The following NALCN variants were observed in gnomAD, a reference collection of about 807,000 sequenced individuals.
The protein encoded by NALCN is sodium leak channel NALCN.
A neutral mutation model predicts 225.3 loss-of-function variants in NALCN; 111 were observed. The observed-to-expected ratio is 0.49, with a 90% CI of 0.42 to 0.58. The LOEUF (loss-of-function observed/expected upper bound fraction) is 0.58, where lower values mean the gene tolerates loss of function less well. NALCN is among the 20% of genes least tolerant of loss of function. The pLI is 0.00. For synonymous variants in NALCN, 764 were observed against 769.0 expected, an observed-to-expected ratio of 0.99 and a Z score of 0.11; for missense variants, 1,378 against 2,202.4, an observed-to-expected ratio of 0.63 and a Z score of 7.49.
chr13:101,092,623 G>A (rs2139563344), intron 28 of NALCN, among the ~76,000 whole-genome samples: 1 of 152,264 alleles, frequency 6.6e-6, no homozygotes, highest in Non-Finnish European at 1.5e-5. Context: ...CATAGTTGGG[G>A]TTAGGTGCTT....
intron 7 of NALCN, among the ~76,000 whole-genome samples, chr13:101,315,613 A>G (rs1448915543): frequency 6.6e-6 from 1 of 152,194 alleles, no homozygotes; most frequent in Non-Finnish European, 1.5e-5. Context: ...GAATGTGTAC[A>G]CCACCCATTT....
At chr13:101,392,802 A>C (rs1287250098) in intron 3 of NALCN, among the ~76,000 whole-genome samples, 1 of 152,206 alleles carries the variant, frequency 6.6e-6, no homozygotes, top group African/African-American at 2.4e-5. Context: ...TAATACAAGA[A>C]TCTAGAACAT....
chr13:101,267,435 G>A (rs984561954), intron 10 of NALCN, among the ~76,000 whole-genome samples: 18 of 152,106 alleles, frequency 1.2e-4, no homozygotes, highest in African/African-American at 4.3e-4. Context: ...GCCTCCAATT[G>A]AATTCACCTC....
At chr13:101,302,629 C>G (rs2044012458) in intron 7 of NALCN, among the ~76,000 whole-genome samples, 2 of 152,054 alleles carry the variant, frequency 1.3e-5, no homozygotes, top group Non-Finnish European at 2.9e-5. Flanking sequence ...ATTTATAATA[C>G]AGCACTAAAA....
At chr13:101,250,362 T>C (rs751774916) in intron 11 of NALCN, among the ~76,000 whole-genome samples, 7 of 152,142 alleles carry the variant, frequency 4.6e-5, no homozygotes, top group Non-Finnish European at 4.4e-5. Context: ...CTTGCCCTAA[T>C]AGATCTCAAG....
chr13:101,084,988 C>A (rs1333229835), intron 30 of NALCN, among the ~76,000 whole-genome samples: 3 of 152,140 alleles, frequency 2.0e-5, no homozygotes, highest in Non-Finnish European at 4.4e-5. Flanking sequence ...ACATTGTAAT[C>A]TGACCATTTT....
rs2031055999 is a variant in NALCN, at chr13:101,055,141, T to C, written c.*154A>G. 3 of 673,204 alleles carry C rather than the reference T, an allele frequency of 4.5e-6. No individual in the cohort carries two copies. Among genetic ancestry groups the C allele is most frequent in the African/African-American group, 1.8e-5 (1 of 55,118 alleles). The allele number at this position is 673,204 out of a possible 1,614,324, so 41.7% of individuals were successfully genotyped here. A position where few individuals can be genotyped will look rare whatever the true frequency, so the allele number is the denominator to read the frequency against. On this transcript the variant is annotated 3_prime_UTR_variant, in exon 44 of 44. Coordinates refer to ENST00000251127, the MANE Select transcript of NALCN (RefSeq NM_052867.4). ...AGTAACCCATCATACATGCAGCTTA[T>C]GCCTTTCTGTGGCAGGATGAAAATC...
chr13:101,410,563 G>T (rs2047751948), intron 1 of NALCN, among the ~76,000 whole-genome samples: 6 of 152,134 alleles, frequency 3.9e-5, no homozygotes. Flanking sequence ...TTTATAAAAG[G>T]ATAACTAAGA....
intron 26 of NALCN, among the ~76,000 whole-genome samples, chr13:101,102,327 G>A (rs1248202707): frequency 1.3e-5 from 2 of 151,880 alleles, no homozygotes; most frequent in Non-Finnish European, 2.9e-5. Context: ...TATACCTCTA[G>A]TAACATCACA....
chr13:101,198,127 T>C (rs2039964991), intron 13 of NALCN, among the ~76,000 whole-genome samples: 1 of 152,130 alleles, frequency 6.6e-6, no homozygotes, highest in Non-Finnish European at 1.5e-5. Flanking sequence ...AGGAATCTTA[T>C]GCAAAAATTA....
intron 13 of NALCN, among the ~76,000 whole-genome samples, chr13:101,217,185 T>C (rs916448264): frequency 6.6e-6 from 1 of 152,192 alleles, no homozygotes; most frequent in East Asian, 1.9e-4. Flanking sequence ...AAGCTGCTTA[T>C]GAGCTTTTGT....
At chr13:101,070,502 C>T (rs1477571029) in intron 37 of NALCN, among the ~76,000 whole-genome samples, 4 of 152,174 alleles carry the variant, frequency 2.6e-5, no homozygotes, top group Admixed American at 2.6e-4. Context: ...AATAATAAGA[C>T]TTGAAAGTTG....
intron 7 of NALCN, among the ~76,000 whole-genome samples, chr13:101,319,680 A>T (rs1182517186): frequency 1.3e-5 from 2 of 152,224 alleles, no homozygotes; most frequent in Non-Finnish European, 2.9e-5. Context: ...TAAATCAACA[A>T]GTCATGTATA....
chr13:101,409,736 T>C (rs2047725552), intron 1 of NALCN, among the ~76,000 whole-genome samples: 1 of 152,206 alleles, frequency 6.6e-6, no homozygotes, highest in African/African-American at 2.4e-5. Context: ...GGAGATTATG[T>C]TTTTGTGTTT....
intron 18 of NALCN, among the ~76,000 whole-genome samples, chr13:101,118,431 G>A (rs1459533834): frequency 6.6e-6 from 1 of 151,996 alleles, no homozygotes; most frequent in Non-Finnish European, 1.5e-5. Context: ...AATGTGATTA[G>A]AATATATTAT....
intron 7 of NALCN, among the ~76,000 whole-genome samples, chr13:101,300,519 T>C (rs1004341499): frequency 6.6e-6 from 1 of 151,892 alleles, no homozygotes; most frequent in Non-Finnish European, 1.5e-5. Context: ...GGTACAGTCT[T>C]GGCTCACTGC....
At chr13:101,101,151 T>G (rs1057090598) in intron 26 of NALCN, among the ~76,000 whole-genome samples, 2 of 152,090 alleles carry the variant, frequency 1.3e-5, no homozygotes, top group African/African-American at 4.8e-5. Flanking sequence ...TTGATATGGC[T>G]TGAACTTTTC....
At chr13:101,277,026 A>G (rs542583281) in intron 10 of NALCN, among the ~76,000 whole-genome samples, 2 of 152,198 alleles carry the variant, frequency 1.3e-5, no homozygotes, top group South Asian at 4.1e-4. Context: ...ATATATAAAA[A>G]CGTGTGTATA....
chr13:101,298,642 A>G (rs560864581), intron 7 of NALCN, among the ~76,000 whole-genome samples: 1 of 152,366 alleles, frequency 6.6e-6, no homozygotes, highest in African/African-American at 2.4e-5. Flanking sequence ...TAATGAAAAA[A>G]GAGAGCGATG....
Sources: gnomAD v4.1 joint callset for allele counts (sites outside exome capture counted in the v4.1 genomes callset) on GRCh38, gnomAD v4.1.1 for gene constraint, MANE v1.5 for transcripts, NCBI Gene and HGNC (gene_info 2026-07-23, HGNC 2026-07-21) for gene names.